Variants in NOX5 observed in about 807,000 individuals in gnomAD.
NOX5 encodes the protein NADPH oxidase 5.
In NOX5, 76 loss-of-function variants were observed where a neutral mutation model predicts 85.7. The ratio of observed to expected loss-of-function variants is 0.89; its 90% confidence interval spans 0.74 to 1.07. The LOEUF is 1.07. NOX5 is among the 50% of genes least tolerant of loss of function. The pLI, the probability that NOX5 is intolerant of heterozygous loss-of-function variation, is 0.00. For missense variants in NOX5, 973 were observed against 999.5 expected (o/e 0.97, Z 0.36); for synonymous variants, 405 against 401.4 (o/e 1.01, Z -0.11).
chr15:69,026,521 C>T lies in NOX5; in HGVS notation c.51-7C>T, dbSNP rs750023074. Reference sequence around the variant, plus strand: ...AAGCCCATAAACCTGTTTCCTTTGCCTCCCAGCACCATGAGTGCCGAGGAG... The same window carrying T: ...AAGCCCATAAACCTGTTTCCTTTGCTTCCCAGCACCATGAGTGCCGAGGAG... On this transcript the variant is annotated splice_polypyrimidine_tract_variant and splice_region_variant and intron_variant, in intron 1 of 15. Transcript: ENST00000388866. The T allele has an allele frequency of 1.9e-6, 3 of 1,614,112 alleles. No homozygotes were observed. The highest frequency in any genetic ancestry group is 2.5e-6 in the Non-Finnish European group (3 of 1,179,988).
At chr15:69,038,290 A>G (rs2050548008) in intron 8 of NOX5, 1 of 165,528 alleles carries the variant, frequency 6.0e-6, no homozygotes, top group Non-Finnish European at 1.3e-5. Context: ...CAACAGCCTC[A>G]GCTGCATTCA....
chr15:69,031,896 CCACT>C, intron 4 of NOX5, 84 bp downstream of exon 4: 1 of 1,398,090 alleles, frequency 7.2e-7, no homozygotes, highest in Non-Finnish European at 9.7e-7. Flanking sequence ...CACCGCGGAT[CCACT>C]CTGCCCTACC....
intron 9 of NOX5, 97 bp from the exon 10 acceptor site, chr15:69,042,566 C>T: frequency 1.5e-6 from 2 of 1,367,098 alleles, no homozygotes; most frequent in Non-Finnish European, 2.0e-6. Context: ...ACTTGGAGGG[C>T]TGAGGCCCAG....
Position 69,028,342 on chromosome 15 carries a change from T to C in NOX5, c.302T>C (p.Leu101Pro). ...AGCCCCATGGACAAACTCAAATTCC[T>C]CTTCCAGGTGTATGACATCGATGGT... ...HGSPMDKLKFLFQVYDIDVCA... is the reference protein window; with the variant it reads ...HGSPMDKLKFPFQVYDIDVCA... Residue 101 changes from leucine (L) to proline (P), a missense_variant, in exon 3 of 16, where the codon CTC (leucine) becomes CCC (proline). By Grantham distance (98) the Leu-to-Pro change is moderately conservative. Coordinates refer to ENST00000388866, the MANE Select transcript of NOX5 (RefSeq NM_024505.4). 2.5e-6 allele frequency: 4 copies of C among 1,609,702 alleles called. No homozygotes were observed. The highest frequency in any genetic ancestry group is 3.4e-6 in the Non-Finnish European group (4 of 1,177,758).
intron 9 of NOX5, among the ~76,000 whole-genome samples, chr15:69,039,693 C>G (rs537352916): frequency 1.5e-4 from 23 of 152,208 alleles, no homozygotes; most frequent in Non-Finnish European, 2.6e-4. Flanking sequence ...AGCAGAATCC[C>G]TCACACCCTT....
chr15:69,027,677 GTGAA>G (rs1364058999), intron 2 of NOX5, among the ~76,000 whole-genome samples: 2 of 152,202 alleles, frequency 1.3e-5, no homozygotes, highest in African/African-American at 4.8e-5. Context: ...AGACTGCTCA[GTGAA>G]TGAATGAGTG....
intron 1 of NOX5, among the ~76,000 whole-genome samples, chr15:69,021,520 G>T (rs141233967): frequency 6.6e-6 from 1 of 152,162 alleles, no homozygotes; most frequent in Non-Finnish European, 1.5e-5. Flanking sequence ...GTTTCACCAT[G>T]TTGGCCAGGA....
chr15:69,052,217 CAA>C (rs60611537), intron 14 of NOX5, among the ~76,000 whole-genome samples: 19 of 131,392 alleles, frequency 1.4e-4, no homozygotes, highest in Admixed American at 3.9e-4. Context: ...GACCCTGTCT[CAA>C]AAAAAAAAAA....
At position 69,049,319 on chromosome 15, in the gene NOX5, C is replaced by T. The variant is rs1334671288; in HGVS notation, c.1999+261C>T. Among the ~76,000 whole-genome samples the T allele has an allele frequency of 9.9e-5, 15 of 151,908 alleles. No homozygotes were observed. The East Asian group carries it at 1.4e-3, about 14-fold the overall frequency. On this transcript the variant is annotated intron_variant, in intron 14 of 15. Transcript: ENST00000388866. ...CAATCCTCCACCTTGGCCTCCAGAG[C>T]AGCTGGAACCACAGGTGCAGGCCAC... is the stretch of plus-strand genomic sequence containing the variant.
In NOX5 at chr15:69,031,714, C is replaced by A. The variant is rs762892565; in HGVS notation, c.522C>A (p.Phe174Leu). Residue 174 changes from phenylalanine to leucine, a missense_variant, in exon 4 of 16, where the codon TTC becomes TTA. Physicochemically the swap from Phe to Leu is conservative, Grantham distance 22. Coordinates refer to ENST00000388866, the MANE Select transcript of NOX5 (RefSeq NM_024505.4). ...TGGACCAGCTGACGCTGGCGCTCTT[C>A]GAATCGGCCGACGCGGACGGCAACG... Reference protein sequence around the residue: ...EKLDQLTLALFESADADGNGA... With the variant: ...EKLDQLTLALLESADADGNGA... 2.5e-6 allele frequency: 4 copies of A among 1,612,888 alleles called. No homozygotes were observed. Among genetic ancestry groups the A allele is most frequent in the Non-Finnish European group, 1.7e-6 (2 of 1,179,756 alleles).
chr15:69,031,287 A>G, intron 3 of NOX5: 1 of 557,904 alleles, frequency 1.8e-6, no homozygotes, highest in South Asian at 2.7e-5. Flanking sequence ...TTGGAAGTTG[A>G]GTAGTACTTA....
intron 9 of NOX5, among the ~76,000 whole-genome samples, chr15:69,042,044 G>A (rs1382917758): frequency 6.7e-6 from 1 of 148,646 alleles, no homozygotes; most frequent in African/African-American, 2.5e-5. Flanking sequence ...TGCCTTCACA[G>A]GACTGCTAAA....
At chr15:69,022,989 A>G (rs2050313032) in intron 1 of NOX5, 2 of 508,936 alleles carry the variant, frequency 3.9e-6, no homozygotes, top group African/African-American at 4.0e-5. Context: ...TGATAGCCTC[A>G]CCTTAATGGC....
intron 3 of NOX5, 135 bp from the exon 4 acceptor site, chr15:69,031,383 C>T: frequency 1.0e-6 from 1 of 984,366 alleles, no homozygotes; most frequent in South Asian, 1.7e-5. Context: ...TTGAGCTAGG[C>T]AGTCGGGAAC....
chr15:69,031,573 G>A lies in NOX5; in HGVS notation c.381G>A (p.Pro127=), dbSNP rs1198526862. Residue 127 remains proline (P), a synonymous_variant, in exon 4 of 16, where the codon CCG becomes CCA. Transcript: ENST00000388866. ...CAGAGTGGGGTGCTGGGGCAGGCCC[G>A]CACTGGGCTTCATCCCCACTCGGGA... ...AGTEWGAGAG[P]HWASSPLGTG... is the part of the protein sequence containing the mutation. 1 of 1,612,514 alleles carries A rather than the reference G, an allele frequency of 6.2e-7. No individual in the cohort carries two copies. Among genetic ancestry groups the A allele is most frequent in the Non-Finnish European group, 8.5e-7 (1 of 1,180,010 alleles).
At chr15:69,051,231 G>A (rs1013457684) in intron 14 of NOX5, among the ~76,000 whole-genome samples, 1 of 152,150 alleles carries the variant, frequency 6.6e-6, no homozygotes, top group African/African-American at 2.4e-5. Flanking sequence ...AAGCGGGGCT[G>A]TTGTAGGGCT....
intron 15 of NOX5, among the ~76,000 whole-genome samples, chr15:69,055,747 GA>G (rs1233231362): frequency 6.6e-6 from 1 of 152,144 alleles, no homozygotes; most frequent in African/African-American, 2.4e-5. Context: ...TGACCTCAAA[GA>G]CCCCTGCAGC....
chr15:69,050,077 T>C (rs2050727905), intron 14 of NOX5, among the ~76,000 whole-genome samples: 1 of 152,246 alleles, frequency 6.6e-6, no homozygotes, highest in Non-Finnish European at 1.5e-5. Flanking sequence ...AATGGAATCA[T>C]ATAATACGTA....
intron 10 of NOX5, 139 bp from the exon 11 acceptor site, chr15:69,046,683 G>A (rs373804794): frequency 1.3e-4 from 89 of 692,332 alleles, no homozygotes; most frequent in Middle Eastern, 3.0e-4. Flanking sequence ...AAAGAGCTTC[G>A]TGTTCCCTGA....
Sources: allele counts gnomAD v4.1 joint callset (sites outside exome capture counted in the v4.1 genomes callset), GRCh38; gene constraint gnomAD v4.1.1; transcripts MANE v1.5; gene names NCBI Gene and HGNC (gene_info 2026-07-23, HGNC 2026-07-21).